The following LATS2 variants were observed in gnomAD, a reference collection of about 807,000 sequenced individuals.
The protein encoded by LATS2 is large tumor suppressor kinase 2.
A neutral mutation model predicts 76.0 loss-of-function variants in LATS2; 24 were observed. That is an observed-to-expected ratio of 0.32 (90% CI 0.23 to 0.44). The LOEUF (loss-of-function observed/expected upper bound fraction) is 0.44, where lower values mean the gene tolerates loss of function less well. Among genes scored for constraint, LATS2 ranks in the 20% least tolerant of loss-of-function variants. LATS2 has a pLI of 1.00. For missense variants in LATS2, 1,286 were observed against 1,481.2 expected (o/e 0.87, Z 2.16); for synonymous variants, 692 against 635.4 (o/e 1.09, Z -1.34).
intron 2 of LATS2, among the ~76,000 whole-genome samples, chr13:21,019,651 T>C (rs1478171440): frequency 8.5e-6 from 1 of 117,840 alleles, no homozygotes; most frequent in African/African-American, 3.0e-5. Context: ...CTGGATTTGT[T>C]ATTATTTTTA....
chr13:21,047,526 A>G (rs1873115509), intron 1 of LATS2, among the ~76,000 whole-genome samples: 1 of 152,152 alleles, frequency 6.6e-6, no homozygotes. Context: ...ACTCCACAGA[A>G]CTCAATGAGC....
intron 2 of LATS2, among the ~76,000 whole-genome samples, chr13:21,011,989 G>A (rs746710757): frequency 3.9e-5 from 6 of 152,160 alleles, no homozygotes; most frequent in Non-Finnish European, 8.8e-5. Flanking sequence ...CCATACAGAG[G>A]GAGAATGTGC....
intron 2 of LATS2, among the ~76,000 whole-genome samples, chr13:21,034,752 G>A (rs901870840): frequency 3.1e-4 from 47 of 152,244 alleles, no homozygotes; most frequent in African/African-American, 1.0e-3. Context: ...AGCTAGGCTC[G>A]TTGCTGGGGG....
rs370271192 is a variant in LATS2, at chr13:20,991,939, T to G, written c.343-535A>C. Among the ~76,000 whole-genome samples, 2 of 152,014 alleles carry G rather than the reference T, an allele frequency of 1.3e-5. No homozygotes were observed. Among genetic ancestry groups the G allele is most frequent in the East Asian group, 1.9e-4 (1 of 5,176 alleles). On this transcript the variant is annotated intron_variant, in intron 2 of 7. Coordinates refer to ENST00000382592, the MANE Select transcript of LATS2 (RefSeq NM_014572.3). The surrounding 1 kb of genome is among the most constrained non-coding windows in gnomAD (Gnocchi z 4.9). ...GCAGCGGAGGACTGGCCCTTAGAGA[T>G]CTGACTCGTAGAAGAAAGAAAGGAG...
intron 2 of LATS2, among the ~76,000 whole-genome samples, chr13:21,016,840 ACT>A (rs1368515812): frequency 6.6e-6 from 1 of 152,066 alleles, no homozygotes. Flanking sequence ...ACCTGAACTA[ACT>A]CTCTTTATCA....
chr13:20,995,724 C>A (rs1870723312), intron 2 of LATS2, among the ~76,000 whole-genome samples: 1 of 151,900 alleles, frequency 6.6e-6, no homozygotes, highest in Non-Finnish European at 1.5e-5. Flanking sequence ...AATTTCAAAT[C>A]AACATTATCA....
intron 7 of LATS2, among the ~76,000 whole-genome samples, chr13:20,976,452 G>A (rs146765369): frequency 1.3e-5 from 2 of 152,248 alleles, no homozygotes; most frequent in East Asian, 3.9e-4. Context: ...AAATTGGACT[G>A]CATAAAAATT....
chr13:21,035,810 C>G (rs1872668291), intron 2 of LATS2, among the ~76,000 whole-genome samples: 1 of 152,210 alleles, frequency 6.6e-6, no homozygotes, highest in African/African-American at 2.4e-5. Context: ...ACGCAAGTAG[C>G]CAGTGATTCC....
At chr13:21,021,733 G>A (rs1298014780) in intron 2 of LATS2, among the ~76,000 whole-genome samples, 2 of 152,312 alleles carry the variant, frequency 1.3e-5, no homozygotes, top group South Asian at 4.1e-4. Flanking sequence ...AATCTGCAGA[G>A]AACAGCGAGG....
chr13:21,052,139 C>T (rs901022615), intron 1 of LATS2, among the ~76,000 whole-genome samples: 2 of 152,214 alleles, frequency 1.3e-5, no homozygotes, highest in Non-Finnish European at 2.9e-5. Context: ...TACTGTCTAC[C>T]TGACAGGCTT....
intron 2 of LATS2, among the ~76,000 whole-genome samples, chr13:20,992,585 C>A (rs1870553164): frequency 6.6e-6 from 1 of 151,990 alleles, no homozygotes; most frequent in African/African-American, 2.4e-5. Flanking sequence ...GGGACAAGGG[C>A]AAAAACAGGC....
chr13:21,007,649 G>GTA (rs1871364842), intron 2 of LATS2, among the ~76,000 whole-genome samples: 3 of 8,544 alleles, frequency 3.5e-4, no homozygotes, highest in Non-Finnish European at 5.2e-4. Context: ...TATATAGTGT[G>GTA]TGTATATATA....
chr13:20,980,958 G>C (rs1454609041), intron 6 of LATS2, among the ~76,000 whole-genome samples: 1 of 152,182 alleles, frequency 6.6e-6, no homozygotes, highest in Non-Finnish European at 1.5e-5. Flanking sequence ...AATGTTATGA[G>C]CACTAGTCAT....
At chr13:21,061,027 G>A (rs892006209) in intron 1 of LATS2, among the ~76,000 whole-genome samples, 1 of 151,112 alleles carries the variant, frequency 6.6e-6, no homozygotes, top group Non-Finnish European at 1.5e-5. Flanking sequence ...CCCGGTCGCC[G>A]CACAACAAAG....
chr13:21,030,612 GA>G (rs373077961), intron 2 of LATS2, among the ~76,000 whole-genome samples: 84,102 of 123,214 alleles, frequency 0.68, 28,358 homozygotes, highest in East Asian at 0.83. Context: ...AAAAAAAAAA[GA>G]AAAAAAAAAA....
intron 2 of LATS2, among the ~76,000 whole-genome samples, chr13:21,020,897 A>C (rs986618127): frequency 6.6e-6 from 1 of 152,198 alleles, no homozygotes; most frequent in Admixed American, 6.5e-5. Context: ...GACTGGACCA[A>C]GGACACACTC....
chr13:21,049,301 C>T (rs541417510), intron 1 of LATS2, among the ~76,000 whole-genome samples: 5 of 152,222 alleles, frequency 3.3e-5, no homozygotes, highest in South Asian at 2.1e-4. Context: ...AGGAGTGACA[C>T]GGCCTGAGTG....
intron 2 of LATS2, among the ~76,000 whole-genome samples, chr13:21,011,860 T>C (rs564391653): frequency 6.6e-6 from 1 of 152,234 alleles, no homozygotes; most frequent in African/African-American, 2.4e-5. Flanking sequence ...ACACCTAGGC[T>C]AGATGGTATA....
At chr13:21,060,237 G>C (rs1873585058) in intron 1 of LATS2, among the ~76,000 whole-genome samples, 1 of 152,204 alleles carries the variant, frequency 6.6e-6, no homozygotes, top group South Asian at 2.1e-4. Flanking sequence ...CATCCCCGAG[G>C]GAAAGCTCCC....
Sources: gnomAD v4.1 joint callset for allele counts (sites outside exome capture counted in the v4.1 genomes callset) on GRCh38, gnomAD v4.1.1 for gene constraint, Gnocchi (gnomAD v3.1) non-coding constraint, MANE v1.5 for transcripts, NCBI Gene and HGNC (gene_info 2026-07-23, HGNC 2026-07-21) for gene names.